The following ABCB5 variants were observed in gnomAD, a reference collection of about 807,000 sequenced individuals.
The protein encoded by ABCB5 is ATP binding cassette subfamily B member 5.
Under a neutral mutation model 144.2 loss-of-function variants are expected in ABCB5, and 155 were observed. The ratio of observed to expected loss-of-function variants is 1.08; its 90% CI spans 0.94 to 1.23. The LOEUF (loss-of-function observed/expected upper bound fraction) is 1.23, where lower values mean the gene tolerates loss of function less well. Ranked by LOEUF, ABCB5 falls within the 50% of genes most tolerant of loss-of-function variation. The probability of loss-of-function intolerance (pLI) is 0.00; values close to 1 mark genes in which losing one functional copy is unlikely to be tolerated. For synonymous variants in ABCB5, 610 were observed against 528.6 expected (o/e 1.15, Z -2.11); for missense variants, 1,830 against 1,520.8 (o/e 1.20, Z -3.38).
intron 25 of ABCB5, 58 bp downstream of exon 25, chr7:20,743,132 T>G: frequency 1.3e-6 from 2 of 1,561,220 alleles, no homozygotes; most frequent in Non-Finnish European, 1.8e-6. Flanking sequence ...TCTTAAACAT[T>G]CACTAGGGCT....
At chr7:20,695,645 G>A (rs1786386298) in intron 16 of ABCB5, among the ~76,000 whole-genome samples, 2 of 151,588 alleles carry the variant, frequency 1.3e-5, no homozygotes, top group Non-Finnish European at 2.9e-5. Flanking sequence ...ATAAACTAGG[G>A]GAAAATGTTT....
At chr7:20,699,686 G>C in intron 17 of ABCB5, 139 bp from the exon 18 acceptor site, 1 of 547,982 alleles carries the variant, frequency 1.8e-6, no homozygotes, top group Admixed American at 3.4e-5. Context: ...CAGCCTGGGC[G>C]ACAGAGCAAG....
At chr7:20,720,178 T>C (rs1218977090) in intron 20 of ABCB5, among the ~76,000 whole-genome samples, 1 of 152,212 alleles carries the variant, frequency 6.6e-6, no homozygotes, top group East Asian at 1.9e-4. Flanking sequence ...CTGATAGGTA[T>C]ATGTCAAAGG....
At chr7:20,640,312 C>A (rs750805711) in intron 5 of ABCB5, among the ~76,000 whole-genome samples, 9 of 152,152 alleles carry the variant, frequency 5.9e-5, no homozygotes, top group Non-Finnish European at 1.2e-4. Context: ...TGGTGACAAA[C>A]TTTTCGTCAA....
chr7:20,619,168 G>C (rs1462433542), intron 1 of ABCB5, among the ~76,000 whole-genome samples: 1 of 152,122 alleles, frequency 6.6e-6, no homozygotes, highest in Non-Finnish European at 1.5e-5. Context: ...ATAAACATAA[G>C]AGTGCATGCG....
intron 14 of ABCB5, among the ~76,000 whole-genome samples, chr7:20,668,597 G>GT (rs1554282731): frequency 1.4e-5 from 2 of 148,060 alleles, no homozygotes; most frequent in Admixed American, 6.7e-5. Context: ...AGGTGGGGGG[G>GT]GGGGTCAGCC....
In ABCB5 at chr7:20,646,126, G is replaced by T. The variant is rs900942883; in HGVS notation, c.969G>T (p.Gly323=). 2 of 1,612,558 alleles carry T rather than the reference G, an allele frequency of 1.2e-6. No homozygotes were observed. The highest frequency in any genetic ancestry group is 1.7e-6 in the Non-Finnish European group (2 of 1,179,414). The change falls in exon 9 of 28, where the codon GGG becomes GGT. Residue 323 remains glycine, a synonymous_variant. Transcript: ENST00000404938. ...ILNGEPGYTI[G]TVLAVFFSVI... is the part of the protein sequence containing the mutation. The stretch of plus-strand genomic sequence containing the variant: ...ATGGAGAACCTGGATATACCATCGG[G>T]ACTGTTCTTGCTGTAAGTCTTGTTT...
rs752941625 is a variant in ABCB5, at chr7:20,755,580, C to T, written c.3730C>T (p.Arg1244Ter). 22 of 1,613,984 alleles carry T rather than the reference C, an allele frequency of 1.4e-5. 1 individual carries two copies. The South Asian group carries it at 1.4e-4, about 10-fold the overall frequency. Reference protein sequence around the residue: ...QGTHQELLRNRDIYFKLVNAQ... With the variant: ...QGTHQELLRN ...AACTCATCAAGAGCTCCTGAGAAAT[C>T]GAGACATATATTTTAAGTTAGTGAA... Residue 1244 changes from arginine to a stop codon, truncating the protein, a stop_gained, in exon 28 of 28, where the codon CGA becomes TGA. Coordinates refer to ENST00000404938, the MANE Select transcript of ABCB5 (RefSeq NM_001163941.2). LOFTEE classifies it high-confidence loss of function.
chr7:20,675,024 G>A (rs7806967), intron 14 of ABCB5, among the ~76,000 whole-genome samples: 137,654 of 151,976 alleles, frequency 0.91, 62,522 homozygotes, highest in East Asian at 1. Context: ...AATACATCCC[G>A]TGATCCTGAA....
At position 20,689,556 on chromosome 7, in the gene ABCB5, T is replaced by C. The variant is rs140976834; in HGVS notation, c.2010+3720T>C. ...TGGCTGAGACATAGGACTGTGCTCA[T>C]AGTTATGCCTCTGTAACCTAAGCCA... On this transcript the variant is annotated intron_variant, in intron 16 of 27. Transcript: ENST00000404938. 9.2e-5 allele frequency among the ~76,000 whole-genome samples: 14 copies of C among 152,206 alleles called. No individual in the cohort carries two copies. In the East Asian group the frequency reaches 2.1e-3, roughly 23 times the overall value.
At chr7:20,731,433 T>C (rs1782219115) in intron 23 of ABCB5, among the ~76,000 whole-genome samples, 1 of 151,428 alleles carries the variant, frequency 6.6e-6, no homozygotes, top group South Asian at 2.1e-4. Flanking sequence ...ACTCTGTGTG[T>C]TGGAGGGCTT....
At chr7:20,716,945 C>G (rs1173819405) in intron 20 of ABCB5, among the ~76,000 whole-genome samples, 1 of 152,148 alleles carries the variant, frequency 6.6e-6, no homozygotes, top group African/African-American at 2.4e-5. Flanking sequence ...CCCCAGCGAT[C>G]TCCTCCAGTC....
intron 16 of ABCB5, among the ~76,000 whole-genome samples, chr7:20,694,844 A>G (rs1391205824): frequency 1.3e-5 from 2 of 152,064 alleles, no homozygotes; most frequent in Non-Finnish European, 2.9e-5. Context: ...TTTTATGTAC[A>G]ATAGTACCAA....
Position 20,628,691 on chromosome 7 carries a change from C to A in ABCB5, c.112C>A (p.Arg38Ser), listed in dbSNP as rs757669856. Reference protein sequence around the residue: ...KEAVGSIEIFRFADGLDITLM... With the variant: ...KEAVGSIEIFSFADGLDITLM... ...TACCGTGCTTTGTTTTCCTCAGTTCCGCTTTGCTGATGGACTGGACATCAC... is the reference window on the plus strand; with the variant it reads ...TACCGTGCTTTGTTTTCCTCAGTTCAGCTTTGCTGATGGACTGGACATCAC... The change falls in exon 4 of 28, where the codon CGC becomes AGC. Residue 38 changes from arginine to serine, a missense_variant. Transcript: ENST00000404938. The A allele has an allele frequency of 9.3e-6, 15 of 1,611,392 alleles. No homozygotes were observed. Among genetic ancestry groups the A allele is most frequent in the Non-Finnish European group, 1.2e-5 (14 of 1,178,774 alleles).
chr7:20,618,742 TGG>T (rs1311905841), intron 1 of ABCB5, among the ~76,000 whole-genome samples: 1 of 148,158 alleles, frequency 6.7e-6, no homozygotes, highest in Non-Finnish European at 1.5e-5. Context: ...AAAGATTTCA[TGG>T]CATATATGTG....
intron 26 of ABCB5, among the ~76,000 whole-genome samples, chr7:20,750,634 T>C (rs573524022): frequency 6.6e-6 from 1 of 152,286 alleles, no homozygotes; most frequent in Non-Finnish European, 1.5e-5. Context: ...TAAATATAGA[T>C]AACATATCGT....
rs1441052509 is a variant in ABCB5 at position 20,656,906 on chromosome 7, CTTTTTCTTTT to C, written c.1537-1594_1537-1585del. ...GTGATAGATCTAATTTTTCTTTTTC[CTTTTTCTTTT>C]TTTTTTTTTTTTTTTTGATATGGGG... On this transcript the variant is annotated intron_variant, in intron 13 of 27. Transcript: ENST00000404938. Among the ~76,000 whole-genome samples, 55 of 135,724 alleles carry C rather than the reference CTTTTTCTTTT, an allele frequency of 4.1e-4. 2 individuals are homozygous for C. The highest frequency in any genetic ancestry group is 3.9e-3 in the Middle Eastern group (1 of 258). 89.0% of individuals were successfully genotyped at this position (135,724 alleles called of 152,430 possible). A position where few individuals can be genotyped will look rare whatever the true frequency, so the allele number is the denominator to read the frequency against.
intron 13 of ABCB5, among the ~76,000 whole-genome samples, chr7:20,656,024 G>A (rs920925384): frequency 2.6e-5 from 4 of 152,200 alleles, no homozygotes; most frequent in Non-Finnish European, 5.9e-5. Flanking sequence ...CAAGGCGAAT[G>A]GAACTCAGTG....
chr7:20,742,243 G>T (rs188961887), intron 24 of ABCB5, among the ~76,000 whole-genome samples: 3 of 152,056 alleles, frequency 2.0e-5, no homozygotes, highest in African/African-American at 7.2e-5. Flanking sequence ...GTGTGGTGGC[G>T]CACGCTGGTG....
Sources: gnomAD v4.1 joint callset for allele counts (sites outside exome capture counted in the v4.1 genomes callset) on GRCh38, gnomAD v4.1.1 for gene constraint, MANE v1.5 for transcripts, NCBI Gene and HGNC (gene_info 2026-07-23, HGNC 2026-07-21) for gene names.